Variants in XPO7 observed in about 807,000 individuals in gnomAD.
The protein encoded by XPO7 is exportin-7.
XPO7 carries 21 observed loss-of-function variants against 144.3 expected under a neutral mutation model. The ratio of observed to expected loss-of-function variants is 0.15; its 90% CI spans 0.10 to 0.21. The LOEUF (loss-of-function observed/expected upper bound fraction) is 0.21, where lower values mean the gene tolerates loss of function less well. XPO7 is among the 10% of genes least tolerant of loss of function. The probability of loss-of-function intolerance (pLI) is 1.00; values close to 1 mark genes in which losing one functional copy is unlikely to be tolerated. For synonymous variants in XPO7, 580 were observed against 499.6 expected, an observed-to-expected ratio of 1.16 and a Z score of -2.15; for missense variants, 808 against 1,325.8, an observed-to-expected ratio of 0.61 and a Z score of 6.06.
intron 1 of XPO7, among the ~76,000 whole-genome samples, chr8:21,944,015 T>C (rs1353246947): frequency 2.6e-5 from 4 of 152,202 alleles, no homozygotes; most frequent in Non-Finnish European, 5.9e-5. Context: ...AAAATCTCTC[T>C]GAATACCCTC....
At chr8:21,929,256 A>G (rs185908796) in intron 1 of XPO7, among the ~76,000 whole-genome samples, 242 of 152,368 alleles carry the variant, frequency 1.6e-3, no homozygotes, top group African/African-American at 5.6e-3. Flanking sequence ...GATTAGAAGC[A>G]AAGTGGAACA....
chr8:21,979,576 T>G (rs1212614133), intron 8 of XPO7, among the ~76,000 whole-genome samples: 1 of 151,338 alleles, frequency 6.6e-6, no homozygotes, highest in Non-Finnish European at 1.5e-5. Flanking sequence ...CCCAGCTAAT[T>G]TTTTGTATTT....
chr8:21,991,374 C>G (rs772049363), intron 18 of XPO7, among the ~76,000 whole-genome samples: 25 of 152,194 alleles, frequency 1.6e-4, no homozygotes, highest in Non-Finnish European at 3.2e-4. Context: ...CAGTTAATAA[C>G]TAAAGCTCAG....
chr8:22,001,979 A>C lies in XPO7; in HGVS notation c.2783-133A>C, dbSNP rs1032909285. On this transcript the variant is annotated intron_variant, in intron 24 of 27. Transcript: ENST00000252512. Reference sequence around the variant, plus strand: ...ACTGTACAATGAGGTTAAGAGGTTAACAGGAGTCATCTTGAGCAACCGCCT... The same window carrying C: ...ACTGTACAATGAGGTTAAGAGGTTACCAGGAGTCATCTTGAGCAACCGCCT... The C allele has an allele frequency of 5.0e-6, 5 of 994,892 alleles. No individual in the cohort carries two copies. In the African/African-American group the frequency reaches 6.5e-5, roughly 13 times the overall value. The allele number at this position is 994,892 out of a possible 1,614,324, so 61.6% of individuals were successfully genotyped here.
intron 1 of XPO7, among the ~76,000 whole-genome samples, chr8:21,960,401 A>G (rs925047297): frequency 3.9e-5 from 6 of 152,196 alleles, no homozygotes; most frequent in Non-Finnish European, 8.8e-5. Flanking sequence ...TCTGGTGAGC[A>G]CTTAAGAGAA....
chr8:21,938,571 A>G (rs1299491211), intron 1 of XPO7, among the ~76,000 whole-genome samples: 1 of 152,170 alleles, frequency 6.6e-6, no homozygotes, highest in Non-Finnish European at 1.5e-5. Flanking sequence ...ACTTGGTAGG[A>G]TGCGTCATTT....
intron 1 of XPO7, among the ~76,000 whole-genome samples, chr8:21,923,145 C>T (rs1160709085): frequency 1.3e-5 from 2 of 152,160 alleles, no homozygotes; most frequent in Admixed American, 1.3e-4. Flanking sequence ...AAAAACATAA[C>T]TTTTCTAACT....
At chr8:21,952,525 A>G (rs957804306) in intron 1 of XPO7, among the ~76,000 whole-genome samples, 2 of 152,234 alleles carry the variant, frequency 1.3e-5, no homozygotes, top group African/African-American at 4.8e-5. Context: ...ATGGCAGGCA[A>G]TAATTTAGAA....
chr8:21,920,664 G>T (rs940495126), intron 1 of XPO7, among the ~76,000 whole-genome samples: 7 of 152,190 alleles, frequency 4.6e-5, no homozygotes, highest in African/African-American at 1.7e-4. Flanking sequence ...GCAGATGGAG[G>T]ACTGCAGGGT....
chr8:21,971,745 T>G, intron 4 of XPO7, 131 bp from the exon 5 acceptor site: 1 of 575,148 alleles, frequency 1.7e-6, no homozygotes, highest in Non-Finnish European at 2.9e-6. Context: ...TAAACTATGA[T>G]TCCTTGCTGC....
Position 21,995,475 on chromosome 8 carries a change from T to C in XPO7, c.2238-17T>C. ...CTTTCTGGAATCAGAAATCTTTCCTTAGCTTCTCATTTACAGATATCCATC... is the reference window on the plus strand; with the variant it reads ...CTTTCTGGAATCAGAAATCTTTCCTCAGCTTCTCATTTACAGATATCCATC... On this transcript the variant is annotated splice_polypyrimidine_tract_variant and intron_variant, in intron 20 of 27. Coordinates refer to ENST00000252512, the MANE Select transcript of XPO7 (RefSeq NM_015024.5). The C allele has an allele frequency of 6.3e-7, 1 of 1,584,386 alleles. No individual in the cohort carries two copies. Among genetic ancestry groups the C allele is most frequent in the Non-Finnish European group, 8.6e-7 (1 of 1,162,102 alleles).
chr8:21,983,927 TA>T (rs1466796942), intron 11 of XPO7, among the ~76,000 whole-genome samples: 1 of 152,176 alleles, frequency 6.6e-6, no homozygotes, highest in Non-Finnish European at 1.5e-5. Context: ...GACAAGATGT[TA>T]AAATCTAGGA....
intron 1 of XPO7, among the ~76,000 whole-genome samples, chr8:21,926,224 C>T (rs560169941): frequency 4.6e-5 from 7 of 152,100 alleles, no homozygotes; most frequent in Non-Finnish European, 8.8e-5. Flanking sequence ...TAAAATATCC[C>T]TTGTACTACT....
At chr8:21,993,912 C>CGT (rs1554519900) in intron 19 of XPO7, among the ~76,000 whole-genome samples, 3 of 141,264 alleles carry the variant, frequency 2.1e-5, no homozygotes, top group Admixed American at 1.4e-4. Flanking sequence ...GTTTCTTTGC[C>CGT]GTGTCTCTCT....
intron 25 of XPO7, chr8:22,002,835 T>C (rs539918540): frequency 7.0e-4 from 119 of 169,098 alleles, no homozygotes; most frequent in Non-Finnish European, 1.3e-3. Flanking sequence ...AGCAGTGAAA[T>C]AATTCAGGAC....
chr8:21,985,488 T>A, intron 12 of XPO7, 98 bp from the exon 13 acceptor site: 3 of 1,141,702 alleles, frequency 2.6e-6, no homozygotes, highest in Non-Finnish European at 4.0e-6. Context: ...GACTTCATGG[T>A]TTCACCACAG....
chr8:21,989,972 T>C (rs1324998378), intron 16 of XPO7, among the ~76,000 whole-genome samples: 1 of 150,706 alleles, frequency 6.6e-6, no homozygotes, highest in Non-Finnish European at 1.5e-5. Flanking sequence ...GCCTCAGCCT[T>C]CTGAGTAGCT....
intron 1 of XPO7, among the ~76,000 whole-genome samples, chr8:21,936,384 G>A (rs1810822677): frequency 6.6e-6 from 1 of 152,172 alleles, no homozygotes; most frequent in South Asian, 2.1e-4. Context: ...CTGCAGTCTT[G>A]CCCAGTATCC....
At chr8:21,999,020 G>A (rs967988443) in intron 22 of XPO7, 71 bp from the exon 23 acceptor site, 30 of 1,570,648 alleles carry the variant, frequency 1.9e-5, no homozygotes, top group Non-Finnish European at 2.3e-5. Context: ...GTATGCCTTT[G>A]GAGTAGGAAG....
Sources: allele counts gnomAD v4.1 joint callset (sites outside exome capture counted in the v4.1 genomes callset), GRCh38; gene constraint gnomAD v4.1.1; transcripts MANE v1.5; gene names NCBI Gene and HGNC (gene_info 2026-07-23, HGNC 2026-07-21).